SRF: variants seen among roughly 807,000 people sequenced by gnomAD.
SRF encodes serum response factor.
A neutral mutation model predicts 37.1 loss-of-function variants in SRF; 7 were observed. That is an observed-to-expected ratio of 0.19 (90% confidence interval 0.11 to 0.35). The LOEUF (loss-of-function observed/expected upper bound fraction) is 0.35. Among genes scored for constraint, SRF ranks in the 10% least tolerant of loss-of-function variants. SRF has a pLI of 1.00. For missense variants in SRF, 395 were observed against 694.4 expected, an observed-to-expected ratio of 0.57 and a Z score of 4.85; for synonymous variants, 285 against 310.1, an observed-to-expected ratio of 0.92 and a Z score of 0.85.
Position 43,171,840 on chromosome 6 carries a change from G to A in SRF, c.184G>A (p.Ala62Thr), listed in dbSNP as rs1337146502. 2.2e-5 allele frequency: 28 copies of A among 1,261,148 alleles called. No individual in the cohort carries two copies. Among genetic ancestry groups the A allele is most frequent in the Non-Finnish European group, 2.7e-5 (27 of 1,005,058 alleles). The allele number at this position is 1,261,148 out of a possible 1,614,324, so 78.1% of individuals were successfully genotyped here. The change falls in exon 1 of 7, where the codon GCA (alanine) becomes ACA (threonine). Residue 62 changes from alanine (A) to threonine (T), a missense_variant. Physicochemically the swap from Ala to Thr is moderately conservative, Grantham distance 58. This residue lies in a region of SRF where 134 missense variants were observed against 204.5 expected (regional missense o/e 0.66). Transcript: ENST00000265354. The surrounding 1 kb of genome is among the most constrained non-coding windows in gnomAD (Gnocchi z 6.5). ...CGGCCGCCTGGAGCGGGAGGCTGCGGCAGCGGCGGCAACCACCCCGGCGCC... is the reference window on the plus strand; with the variant it reads ...CGGCCGCCTGGAGCGGGAGGCTGCGACAGCGGCGGCAACCACCCCGGCGCC... ...GPGRLEREAA[A>T]AAATTPAPTA...
Position 43,173,834 on chromosome 6 carries a change from C to A in SRF, c.514-13C>A. 1 of 1,608,990 alleles carries A rather than the reference C, an allele frequency of 6.2e-7. No homozygotes were observed. Among genetic ancestry groups the A allele is most frequent in the South Asian group, 1.1e-5 (1 of 90,956 alleles). ...AGTTTGCTGACCTGCCCATCTCCCT[C>A]CTCACCCCTCAGGCCTATGAGCTGT... is the stretch of plus-strand genomic sequence containing the variant. On this transcript the variant is annotated splice_polypyrimidine_tract_variant and intron_variant, in intron 1 of 6. Transcript: ENST00000265354. The surrounding 1 kb of genome is among the most constrained non-coding windows in gnomAD (Gnocchi z 4.2).
In SRF at chr6:43,176,763, GGGATTTCTTAAAGT is replaced by G; in HGVS notation, c.1162+100_1162+113del. ...GTAACCCTCCTGTAACTAAAGTCAGGGGATTTCTTAAAGTGGAGATTGAGGCTTTGGGCCTAATA... is the reference window on the plus strand; with the variant it reads ...GTAACCCTCCTGTAACTAAAGTCAGGGGAGATTGAGGCTTTGGGCCTAATA... On this transcript the variant is annotated intron_variant, in intron 4 of 6. Transcript: ENST00000265354. The surrounding 1 kb of genome is among the most constrained non-coding windows in gnomAD (Gnocchi z 4.0). The G allele has an allele frequency of 6.7e-7, 1 of 1,500,952 alleles. No individual in the cohort carries two copies. 93.0% of individuals were successfully genotyped at this position (1,500,952 alleles called of 1,614,324 possible).
At position 43,181,486 on chromosome 6, in the gene SRF, T is replaced by G. The variant is rs1053211001; in HGVS notation, c.*2296T>G. The G allele has an allele frequency of 1.3e-5, 2 of 152,526 alleles. No individual in the cohort carries two copies. The highest frequency in any genetic ancestry group is 2.9e-5 in the Non-Finnish European group (2 of 68,024). The allele number at this position is 152,526 out of a possible 1,614,324, so 9.4% of individuals were successfully genotyped here. On this transcript the variant is annotated 3_prime_UTR_variant, in exon 7 of 7. Transcript: ENST00000265354. Reference sequence around the variant, plus strand: ...TAAAAAAAAATACTCTTTCAATAAATGTATCATTTTTGTGCACAGACTGTG... The same window carrying G: ...TAAAAAAAAATACTCTTTCAATAAAGGTATCATTTTTGTGCACAGACTGTG...
chr6:43,174,547 C>T (rs940133366), intron 2 of SRF, among the ~76,000 whole-genome samples: 1 of 152,242 alleles, frequency 6.6e-6, no homozygotes, highest in Non-Finnish European at 1.5e-5. Context: ...CCTTACAAGC[C>T]AGCCGCTGCC....
At position 43,171,766 on chromosome 6, in the gene SRF, G is replaced by T. The variant is rs1218246448; in HGVS notation, c.110G>T (p.Arg37Leu). The T allele has an allele frequency of 9.1e-6, 11 of 1,209,632 alleles. No individual in the cohort carries two copies. The African/African-American group carries it at 1.4e-4, about 16-fold the overall frequency. 74.9% of individuals were successfully genotyped at this position (1,209,632 alleles called of 1,614,324 possible). A position where few individuals can be genotyped will look rare whatever the true frequency, so the allele number is the denominator to read the frequency against. The change falls in exon 1 of 7, where the codon CGC (arginine) becomes CTC (leucine). Residue 37 changes from arginine to leucine, a missense_variant. Transcript: ENST00000265354. This position sits in a 1 kb window ranked among gnomAD's most constrained non-coding sequence, Gnocchi z 6.5. ...TGRPGGGGGT[R>L]GANGGRVPGN... ...CGGCCGGGCGGCGGCGGCGGGACACGCGGGGCTAACGGGGGCCGGGTCCCC... is the reference window on the plus strand; with the variant it reads ...CGGCCGGGCGGCGGCGGCGGGACACTCGGGGCTAACGGGGGCCGGGTCCCC...
chr6:43,171,367 A>C lies in SRF; in HGVS notation c.-290A>C. 5.0e-6 allele frequency: 1 copy of C among 201,754 alleles called. No homozygotes were observed. Among genetic ancestry groups the C allele is most frequent in the Non-Finnish European group, 9.9e-6 (1 of 101,426 alleles). 12.5% of individuals were successfully genotyped at this position (201,754 alleles called of 1,614,324 possible). On this transcript the variant is annotated 5_prime_UTR_variant, in exon 1 of 7. Transcript: ENST00000265354. The surrounding 1 kb of genome is among the most constrained non-coding windows in gnomAD (Gnocchi z 6.5). ...TCCACCCGCCGTCTCGGCCGCGGCC[A>C]GCAGCCCCTGCCCCCCGGGGGACGC...
chr6:43,176,710 C>T lies in SRF; in HGVS notation c.1162+43C>T, dbSNP rs370351023. 3 of 1,600,468 alleles carry T rather than the reference C, an allele frequency of 1.9e-6. No individual in the cohort carries two copies. Among genetic ancestry groups the T allele is most frequent in the African/African-American group, 1.3e-5 (1 of 74,710 alleles). On this transcript the variant is annotated intron_variant, in intron 4 of 6. Transcript: ENST00000265354. This position sits in a 1 kb window ranked among gnomAD's most constrained non-coding sequence, Gnocchi z 4.0. ...GTCACCCTCCCTCCCTGCCTTCCCCCACGAGGCCTAGCAGTAGGTGCCCAA... is the reference window on the plus strand; with the variant it reads ...GTCACCCTCCCTCCCTGCCTTCCCCTACGAGGCCTAGCAGTAGGTGCCCAA...
rs1421857219 is a variant in SRF, at chr6:43,172,223, C to CA, written c.513+57dup. ...GGGGCCCGGTTGGGGTGGGGATGTG[C>CA]AAAGGGAGCCCGGGAGGACCGCAGA... On this transcript the variant is annotated intron_variant, in intron 1 of 6. Coordinates refer to ENST00000265354, the MANE Select transcript of SRF (RefSeq NM_003131.4). This position sits in a 1 kb window ranked among gnomAD's most constrained non-coding sequence, Gnocchi z 5.7. The CA allele has an allele frequency of 1.9e-6, 3 of 1,572,450 alleles. No homozygotes were observed. The African/African-American group carries it at 4.0e-5, about 21-fold the overall frequency.
rs1371909483 is a variant in SRF at position 43,178,552 on chromosome 6, CAT to C, written c.1354+69_1354+70del. The C allele has an allele frequency of 3.1e-5, 45 of 1,435,710 alleles. No individual in the cohort carries two copies. Among genetic ancestry groups the C allele is most frequent in the East Asian group, 3.0e-4 (13 of 43,454 alleles). The allele number at this position is 1,435,710 out of a possible 1,614,324, so 88.9% of individuals were successfully genotyped here. On this transcript the variant is annotated intron_variant, in intron 5 of 6. Coordinates refer to ENST00000265354, the MANE Select transcript of SRF (RefSeq NM_003131.4). The surrounding 1 kb of genome is among the most constrained non-coding windows in gnomAD (Gnocchi z 4.3). ...TTCTTTATACACACACACACACACA[CAT>C]ACACACACATATGCACTGATGCCTA...
Position 43,178,192 on chromosome 6 carries a change from G to A in SRF, c.1163-102G>A, listed in dbSNP as rs1772241513. 8.0e-7 allele frequency: 1 copy of A among 1,251,986 alleles called. No homozygotes were observed. Among genetic ancestry groups the A allele is most frequent in the African/African-American group, 1.5e-5 (1 of 66,492 alleles). 77.6% of individuals were successfully genotyped at this position (1,251,986 alleles called of 1,614,324 possible). A position where few individuals can be genotyped will look rare whatever the true frequency, so the allele number is the denominator to read the frequency against. On this transcript the variant is annotated intron_variant, in intron 4 of 6. Transcript: ENST00000265354. The surrounding 1 kb of genome is among the most constrained non-coding windows in gnomAD (Gnocchi z 4.3). Reference sequence around the variant, plus strand: ...AATAGTCGTGTCTAGCTTCTGACCTGGGAAATGGCAAGAGGGCTCTGGGGG... The same window carrying A: ...AATAGTCGTGTCTAGCTTCTGACCTAGGAAATGGCAAGAGGGCTCTGGGGG...
chr6:43,172,472 G>T lies in SRF; in HGVS notation c.513+303G>T, dbSNP rs1325903209. On this transcript the variant is annotated intron_variant, in intron 1 of 6. Transcript: ENST00000265354. This position sits in a 1 kb window ranked among gnomAD's most constrained non-coding sequence, Gnocchi z 5.7. ...AAGGGGTGAGGAGCGGTGATGGGAG[G>T]CTACGAGGCTGCCGGGGAGGTGGAT... is the stretch of plus-strand genomic sequence containing the variant. The T allele has an allele frequency of 2.0e-6, 2 of 985,106 alleles. No individual in the cohort carries two copies. The highest frequency in any genetic ancestry group is 1.2e-4 in the Admixed American group (2 of 16,266). The allele number at this position is 985,106 out of a possible 1,614,324, so 61.0% of individuals were successfully genotyped here. A position where few individuals can be genotyped will look rare whatever the true frequency, so the allele number is the denominator to read the frequency against.
In SRF at chr6:43,176,004, T is replaced by C; in HGVS notation, c.1042+37T>C. On this transcript the variant is annotated intron_variant, in intron 3 of 6. Coordinates refer to ENST00000265354, the MANE Select transcript of SRF (RefSeq NM_003131.4). The surrounding 1 kb of genome is among the most constrained non-coding windows in gnomAD (Gnocchi z 4.0). The stretch of plus-strand genomic sequence containing the variant: ...GGGGCAGGGAGAGATTCGTCCTTCC[T>C]GGGGCAAATCAAGCATGCTAAGAGT... The C allele has an allele frequency of 6.3e-7, 1 of 1,598,746 alleles. No individual in the cohort carries two copies. Among genetic ancestry groups the C allele is most frequent in the South Asian group, 1.1e-5 (1 of 90,834 alleles).
In SRF at chr6:43,178,713, C is replaced by A; in HGVS notation, c.1355-93C>A. On this transcript the variant is annotated intron_variant, in intron 5 of 6. Coordinates refer to ENST00000265354, the MANE Select transcript of SRF (RefSeq NM_003131.4). This position sits in a 1 kb window ranked among gnomAD's most constrained non-coding sequence, Gnocchi z 4.3. ...TTCCCTTGGGCTCTTACATCTGAGA[C>A]TGCCCCAGTCACTTGTGCATTTGAC... The A allele has an allele frequency of 7.1e-7, 1 of 1,416,176 alleles. No individual in the cohort carries two copies. The highest frequency in any genetic ancestry group is 1.0e-6 in the Non-Finnish European group (1 of 1,004,552). 87.7% of individuals were successfully genotyped at this position (1,416,176 alleles called of 1,614,324 possible).
rs760243435 is a variant in SRF, at chr6:43,179,139, C to T, written c.1476C>T (p.Thr492=). ...GQQAGSSSNL[T]ELQVVNLDTA... ...AGGCCGGGAGCAGCAGCAACCTCAC[C>T]GAGCTACAGGTGGTGAACCTGGACA... is the stretch of plus-strand genomic sequence containing the variant. The change falls in exon 7 of 7, where the codon ACC becomes ACT. Residue 492 remains threonine (T), a synonymous_variant. Transcript: ENST00000265354. This position sits in a 1 kb window ranked among gnomAD's most constrained non-coding sequence, Gnocchi z 5.3. The T allele has an allele frequency of 2.8e-5, 46 of 1,614,110 alleles. No individual in the cohort carries two copies. The East Asian group carries it at 3.6e-4, about 13-fold the overall frequency.
At position 43,178,329 on chromosome 6, in the gene SRF, C is replaced by G. The variant is rs1399631082; in HGVS notation, c.1198C>G (p.Pro400Ala). Residue 400 changes from proline to alanine, a missense_variant, in exon 5 of 7, where the codon CCC (proline) becomes GCC (alanine). Transcript: ENST00000265354. The surrounding 1 kb of genome is among the most constrained non-coding windows in gnomAD (Gnocchi z 4.3). Reference protein sequence around the residue: ...LPATIMTSSVPTTVGGHMMYP... With the variant: ...LPATIMTSSVATTVGGHMMYP... ...CGCCACCATCATGACGTCATCCGTG[C>G]CCACAACTGTGGGTGGCCACATGAT... 1.5e-5 allele frequency: 24 copies of G among 1,609,284 alleles called. No individual in the cohort carries two copies. Among genetic ancestry groups the G allele is most frequent in the Non-Finnish European group, 2.0e-5 (24 of 1,177,100 alleles).
rs1772192551 is a variant in SRF, at chr6:43,176,082, A to T, written c.1042+115A>T. ...TCTTTCCCTGCTCAGAAGGAAGGTG[A>T]ATAGGGGCCAGAGCCTGAGCGAAGC... is the stretch of plus-strand genomic sequence containing the variant. On this transcript the variant is annotated intron_variant, in intron 3 of 6. Coordinates refer to ENST00000265354, the MANE Select transcript of SRF (RefSeq NM_003131.4). This position sits in a 1 kb window ranked among gnomAD's most constrained non-coding sequence, Gnocchi z 4.0. 4 of 1,417,884 alleles carry T rather than the reference A, an allele frequency of 2.8e-6. No homozygotes were observed. The highest frequency in any genetic ancestry group is 2.1e-5 in the Admixed American group (1 of 46,712). The allele number at this position is 1,417,884 out of a possible 1,614,324, so 87.8% of individuals were successfully genotyped here.
intron 2 of SRF, 120 bp from the exon 3 acceptor site, chr6:43,175,586 G>T (rs1005876530): frequency 2.2e-5 from 29 of 1,297,884 alleles, no homozygotes; most frequent in South Asian, 1.8e-4. Context: ...CAGGTAAATG[G>T]TGGCGTTGGG....
chr6:43,174,277 G>GC (rs1381218928), intron 2 of SRF, among the ~76,000 whole-genome samples, 164 bp downstream of exon 2: 1 of 152,134 alleles, frequency 6.6e-6, no homozygotes, highest in Non-Finnish European at 1.5e-5. Context: ...ATAGAAGACC[G>GC]CCCCCCTAGA....
At position 43,171,425 on chromosome 6, in the gene SRF, G is replaced by T. The variant is rs1328238433; in HGVS notation, c.-232G>T. On this transcript the variant is annotated 5_prime_UTR_variant, in exon 1 of 7. Transcript: ENST00000265354. This position sits in a 1 kb window ranked among gnomAD's most constrained non-coding sequence, Gnocchi z 6.5. ...CGCCCGGCGCGCCGCCCTAGCAGAC[G>T]GACAGGGGGCGCTGCGCGCGGCCTG... The T allele has an allele frequency of 3.4e-6, 1 of 294,586 alleles. No individual in the cohort carries two copies. The allele number at this position is 294,586 out of a possible 1,614,324, so 18.2% of individuals were successfully genotyped here.
Sources: allele counts gnomAD v4.1 joint callset (sites outside exome capture counted in the v4.1 genomes callset), GRCh38; gene constraint gnomAD v4.1.1; regional missense constraint gnomAD v4.1.1; non-coding constraint Gnocchi (gnomAD v3.1); transcripts MANE v1.5; gene names NCBI Gene and HGNC (gene_info 2026-07-23, HGNC 2026-07-21).